PAX7: variants seen among roughly 807,000 people sequenced by gnomAD.
PAX7 encodes the protein paired box protein Pax-7.
In PAX7, 18 loss-of-function variants were observed where a neutral mutation model predicts 50.7. The observed-to-expected ratio is 0.36, with a 90% CI of 0.25 to 0.53. PAX7 has a LOEUF of 0.53. Among genes scored for constraint, PAX7 ranks in the 20% least tolerant of loss-of-function variants. The pLI is 0.93. For missense variants in PAX7, 644 were observed against 702.9 expected (o/e 0.92, Z 0.95); for synonymous variants, 310 against 290.4 (o/e 1.07, Z -0.69).
chr1:18,732,528 G>A (rs929168544), intron 7 of PAX7, among the ~76,000 whole-genome samples: 6 of 152,214 alleles, frequency 3.9e-5, no homozygotes, highest in African/African-American at 1.4e-4. Flanking sequence ...AATGCTTGTT[G>A]GACGAATACG....
In PAX7 at chr1:18,711,005, C is replaced by A. The variant is rs546816410; in HGVS notation, c.1155+7709C>A. Among the ~76,000 whole-genome samples, 3 of 152,362 alleles carry A rather than the reference C, an allele frequency of 2.0e-5. No homozygotes were observed. In the South Asian group the frequency reaches 6.2e-4, roughly 32 times the overall value. On this transcript the variant is annotated intron_variant, in intron 7 of 8. Coordinates refer to ENST00000420770, the MANE Select transcript of PAX7 (RefSeq NM_001135254.2). The stretch of plus-strand genomic sequence containing the variant: ...GCGCCCCGCCCAGCCCTTCCTTCTC[C>A]TCCCTTCCTGGGCGAGTCTCCTGCT...
At chr1:18,695,640 C>T (rs1352425019) in intron 5 of PAX7, among the ~76,000 whole-genome samples, 1 of 152,172 alleles carries the variant, frequency 6.6e-6, no homozygotes, top group Non-Finnish European at 1.5e-5. Flanking sequence ...TGAAGGGCAG[C>T]CAAGGGGGTG....
At chr1:18,697,871 G>A (rs972167140) in intron 5 of PAX7, among the ~76,000 whole-genome samples, 1 of 144,454 alleles carries the variant, frequency 6.9e-6, no homozygotes, top group East Asian at 2.2e-4. Flanking sequence ...CAGGCAAAGG[G>A]CAGTTTGAGG....
At chr1:18,687,561 G>T (rs1326082210) in intron 4 of PAX7, among the ~76,000 whole-genome samples, 1 of 152,198 alleles carries the variant, frequency 6.6e-6, no homozygotes, top group Admixed American at 6.5e-5. Context: ...ACCTATGAAG[G>T]CTGGCACAGA....
intron 7 of PAX7, among the ~76,000 whole-genome samples, chr1:18,708,437 C>A (rs2089310767): frequency 6.6e-6 from 1 of 151,852 alleles, no homozygotes; most frequent in African/African-American, 2.4e-5. Flanking sequence ...AGCCTGTGGT[C>A]CCAGCTACTA....
chr1:18,654,900 C>T (rs1393684393), intron 4 of PAX7, among the ~76,000 whole-genome samples: 1 of 152,204 alleles, frequency 6.6e-6, no homozygotes, highest in East Asian at 1.9e-4. Flanking sequence ...TGAATCCAGG[C>T]CTCTCAGGCT....
intron 8 of PAX7, among the ~76,000 whole-genome samples, chr1:18,744,097 T>G (rs926892137): frequency 1.3e-5 from 2 of 152,160 alleles, no homozygotes; most frequent in Non-Finnish European, 2.9e-5. Flanking sequence ...TGGCTCCTTC[T>G]GCATGGATCC....
chr1:18,659,314 T>C (rs1054861259), intron 4 of PAX7, among the ~76,000 whole-genome samples: 79 of 152,218 alleles, frequency 5.2e-4, no homozygotes, highest in Non-Finnish European at 2.9e-5. Flanking sequence ...TGAGAACTTC[T>C]CTGAGACACC....
rs1392766146 is a variant in PAX7, at chr1:18,707,422, T to C, written c.1155+4126T>C. Among the ~76,000 whole-genome samples, 107 of 142,682 alleles carry C rather than the reference T, an allele frequency of 7.5e-4. 1 individual carries two copies. Among genetic ancestry groups the C allele is most frequent in the African/African-American group, 2.4e-3 (92 of 38,742 alleles). 93.6% of individuals were successfully genotyped at this position (142,682 alleles called of 152,430 possible). A position where few individuals can be genotyped will look rare whatever the true frequency, so the allele number is the denominator to read the frequency against. Reference sequence around the variant, plus strand: ...CCTTTTCTTTTTTTCTTTCTTTTTTTTTTTTTTTTTTTTTTGAGATAGGGT... The same window carrying C: ...CCTTTTCTTTTTTTCTTTCTTTTTTCTTTTTTTTTTTTTTTGAGATAGGGT... On this transcript the variant is annotated intron_variant, in intron 7 of 8. Transcript: ENST00000420770.
At chr1:18,676,215 G>A (rs1042914532) in intron 4 of PAX7, among the ~76,000 whole-genome samples, 2 of 151,904 alleles carry the variant, frequency 1.3e-5, no homozygotes, top group East Asian at 1.9e-4. Context: ...TTATACATTC[G>A]TCCTCAAACA....
intron 7 of PAX7, among the ~76,000 whole-genome samples, chr1:18,708,852 G>A (rs2089315451): frequency 6.6e-6 from 1 of 152,172 alleles, no homozygotes; most frequent in Non-Finnish European, 1.5e-5. Flanking sequence ...GTCTGATGGT[G>A]GAAGCACAGC....
At chr1:18,647,779 A>C (rs960986893) in intron 4 of PAX7, among the ~76,000 whole-genome samples, 2 of 152,092 alleles carry the variant, frequency 1.3e-5, no homozygotes, top group African/African-American at 4.8e-5. Context: ...CTTGAGAAAT[A>C]ATAGGGGCCT....
intron 8 of PAX7, among the ~76,000 whole-genome samples, chr1:18,740,440 C>T (rs1931070897): frequency 1.3e-5 from 2 of 152,214 alleles, no homozygotes; most frequent in African/African-American, 2.4e-5. Context: ...CTCCATGTCA[C>T]GCACTGCATG....
intron 7 of PAX7, among the ~76,000 whole-genome samples, chr1:18,731,958 T>C (rs2089652314): frequency 6.6e-6 from 1 of 152,134 alleles, no homozygotes; most frequent in Non-Finnish European, 1.5e-5. Flanking sequence ...GAATTTTTAC[T>C]CTCCGCCTTC....
At chr1:18,670,013 G>A (rs776554102) in intron 4 of PAX7, among the ~76,000 whole-genome samples, 14 of 145,852 alleles carry the variant, frequency 9.6e-5, no homozygotes, top group Non-Finnish European at 1.9e-4. Context: ...AACCCAGGAG[G>A]CAGAGGTTGC....
intron 5 of PAX7, among the ~76,000 whole-genome samples, chr1:18,699,857 G>A (rs1195045506): frequency 1.3e-5 from 2 of 151,934 alleles, no homozygotes; most frequent in Admixed American, 6.6e-5. Context: ...CGCTGCGCCC[G>A]GCCAGACTGA....
intron 4 of PAX7, among the ~76,000 whole-genome samples, chr1:18,685,104 G>A (rs1305591098): frequency 6.6e-6 from 1 of 152,162 alleles, no homozygotes; most frequent in Non-Finnish European, 1.5e-5. Flanking sequence ...GGAACTTGCT[G>A]TAGCCATATT....
intron 7 of PAX7, among the ~76,000 whole-genome samples, chr1:18,719,971 T>C (rs2100365983): frequency 6.6e-6 from 1 of 152,308 alleles, no homozygotes; most frequent in Middle Eastern, 3.4e-3. Flanking sequence ...TTGGAATCAT[T>C]GTACCCATTT....
At position 18,735,939 on chromosome 1, in the gene PAX7, C is replaced by T. The variant is rs1432219191; in HGVS notation, c.1402+61C>T. 6.2e-7 allele frequency: 1 copy of T among 1,613,920 alleles called. No individual in the cohort carries two copies. Among genetic ancestry groups the T allele is most frequent in the South Asian group, 1.1e-5 (1 of 91,066 alleles). On this transcript the variant is annotated intron_variant, in intron 8 of 8. Coordinates refer to ENST00000420770, the MANE Select transcript of PAX7 (RefSeq NM_001135254.2). This position sits in a 1 kb window ranked among gnomAD's most constrained non-coding sequence, Gnocchi z 4.0. Reference sequence around the variant, plus strand: ...ATTCCTTCTCCCACCCCCAGGGCCTCCTGCTTGTTTATGGAGAGCTACAAG... The same window carrying T: ...ATTCCTTCTCCCACCCCCAGGGCCTTCTGCTTGTTTATGGAGAGCTACAAG...
Sources: gnomAD v4.1 joint callset for allele counts (sites outside exome capture counted in the v4.1 genomes callset) on GRCh38, gnomAD v4.1.1 for gene constraint, Gnocchi (gnomAD v3.1) non-coding constraint, MANE v1.5 for transcripts, NCBI Gene and HGNC (gene_info 2026-07-23, HGNC 2026-07-21) for gene names.